Variants in RFX6 observed in about 807,000 individuals in gnomAD.
RFX6 encodes regulatory factor X6, also known as DNA-binding protein RFX6.
Under a neutral mutation model 110.8 loss-of-function variants are expected in RFX6, and 50 were observed. The ratio of observed to expected loss-of-function variants is 0.45; its 90% confidence interval spans 0.36 to 0.57. RFX6 has a LOEUF of 0.57. Among genes scored for constraint, RFX6 ranks in the 20% least tolerant of loss-of-function variants. The pLI, the probability that RFX6 is intolerant of heterozygous loss-of-function variation, is 0.00. For synonymous variants in RFX6, 383 were observed against 411.2 expected (o/e 0.93, Z 0.83); for missense variants, 990 against 1,127.0 (o/e 0.88, Z 1.74).
At position 116,916,980 on chromosome 6, in the gene RFX6, C is replaced by G. The variant is rs377093487; in HGVS notation, c.972+666C>G. Reference sequence around the variant, plus strand: ...TTGCCTACATTTGCTTTCTAACTTACCATAAGGAAAAACAAAAGCTTTCCT... The same window carrying G: ...TTGCCTACATTTGCTTTCTAACTTAGCATAAGGAAAAACAAAAGCTTTCCT... On this transcript the variant is annotated intron_variant, in intron 9 of 18. Coordinates refer to ENST00000332958, the MANE Select transcript of RFX6 (RefSeq NM_173560.4). 2.0e-4 allele frequency among the ~76,000 whole-genome samples: 31 copies of G among 152,118 alleles called. No homozygotes were observed. The East Asian group carries it at 5.8e-3, about 28-fold the overall frequency.
chr6:116,909,735 CTTTTTTTTTTTTTTTTTTT>C (rs59264999), intron 6 of RFX6, among the ~76,000 whole-genome samples: 1 of 67,362 alleles, frequency 1.5e-5, no homozygotes, highest in East Asian at 5.1e-4. Flanking sequence ...TCATTTAAAT[CTTTTTTTTTTTTTTTTTTT>C]TTTTTTTTTT....
chr6:116,904,678 C>T (rs1487532581), intron 6 of RFX6, among the ~76,000 whole-genome samples: 1 of 152,144 alleles, frequency 6.6e-6, no homozygotes, highest in Non-Finnish European at 1.5e-5. Flanking sequence ...CCCATCTTCC[C>T]TCTACCATGT....
chr6:116,918,987 T>C, intron 10 of RFX6, 150 bp from the exon 11 acceptor site: 1 of 680,810 alleles, frequency 1.5e-6, no homozygotes, highest in Non-Finnish European at 2.5e-6. Flanking sequence ...AAATATAGCA[T>C]AAGAAAAGAT....
At chr6:116,880,928 G>A (rs577319254) in intron 3 of RFX6, among the ~76,000 whole-genome samples, 182 of 152,130 alleles carry the variant, frequency 1.2e-3, no homozygotes, top group Non-Finnish European at 2.2e-3. Context: ...TTCAAAGAGG[G>A]ATGCATTAAA....
intron 6 of RFX6, among the ~76,000 whole-genome samples, 196 bp from the exon 7 acceptor site, chr6:116,910,739 G>A (rs984582206): frequency 4.6e-5 from 7 of 152,096 alleles, no homozygotes; most frequent in African/African-American, 1.7e-4. Context: ...AACTATTGAA[G>A]GTTTGAAAAC....
At chr6:116,905,792 C>G (rs113801010) in intron 6 of RFX6, among the ~76,000 whole-genome samples, 4,034 of 152,148 alleles carry the variant, frequency 0.027, 156 homozygotes, top group African/African-American at 0.092. Context: ...CCTCATGATC[C>G]ACCCACCTCA....
chr6:116,895,309 T>A (rs1582516905), intron 6 of RFX6, 102 bp downstream of exon 6: 2 of 693,046 alleles, frequency 2.9e-6, no homozygotes, highest in East Asian at 2.6e-5. Context: ...GAAATAAATG[T>A]TATTTATTAG....
chr6:116,924,823 T>C, intron 15 of RFX6, 32 bp downstream of exon 15: 3 of 1,466,054 alleles, frequency 2.0e-6, no homozygotes, highest in Non-Finnish European at 2.9e-6. Flanking sequence ...GTTTTGCATA[T>C]TTCTTTGTTT....
intron 15 of RFX6, 144 bp downstream of exon 15, chr6:116,924,935 T>G (rs1425360738): frequency 1.5e-6 from 1 of 674,004 alleles, no homozygotes; most frequent in African/African-American, 1.8e-5. Context: ...CACCATACAG[T>G]CACACTATTG....
rs114482844 is a variant in RFX6 at position 116,920,609 on chromosome 6, C to T, written c.1327+155C>T. Among the ~76,000 whole-genome samples, 639 of 151,974 alleles carry T rather than the reference C, an allele frequency of 4.2e-3. 4 individuals carry two copies. Among genetic ancestry groups the T allele is most frequent in the African/African-American group, 0.015 (608 of 41,408 alleles). On this transcript the variant is annotated intron_variant, in intron 12 of 18. Transcript: ENST00000332958. ...CCCATTAGATGACAGTAGCAGCCTC[C>T]CCCAAGCTGAGACAACCAAAAATGT... is the stretch of plus-strand genomic sequence containing the variant.
intron 2 of RFX6, among the ~76,000 whole-genome samples, chr6:116,878,228 C>A (rs11754683): frequency 6.6e-6 from 1 of 151,910 alleles, no homozygotes; most frequent in Non-Finnish European, 1.5e-5. Context: ...CATTAATGAA[C>A]GTTTTTATGA....
At chr6:116,926,872 G>A (rs1775749787) in intron 16 of RFX6, among the ~76,000 whole-genome samples, 155 bp from the exon 17 acceptor site, 1 of 152,138 alleles carries the variant, frequency 6.6e-6, no homozygotes, top group African/African-American at 2.4e-5. Context: ...TTAAATTCTG[G>A]ATTTTTGGTG....
intron 7 of RFX6, among the ~76,000 whole-genome samples, chr6:116,911,741 A>T (rs1296608575): frequency 6.6e-6 from 1 of 152,190 alleles, no homozygotes; most frequent in African/African-American, 2.4e-5. Flanking sequence ...GTTTCAACCA[A>T]AGTACATGTT....
rs1266250786 is a variant in RFX6, at chr6:116,925,502, C to G, written c.1728C>G (p.Ala576=). The G allele has an allele frequency of 6.2e-7, 1 of 1,614,100 alleles. No homozygotes were observed. The highest frequency in any genetic ancestry group is 2.2e-5 in the East Asian group (1 of 44,884). Residue 576 remains alanine (A), a synonymous_variant, in exon 16 of 19, where the codon GCC becomes GCG. Transcript: ENST00000332958. ...CTTCTCCGAGTTCATGCTTTCTGGC[C>G]AACCGTAATAAAGGGAGCATGGTTT... ...FTASPSSCFL[A]NRNKGSMVSS...
At chr6:116,902,620 G>A (rs1274145104) in intron 6 of RFX6, among the ~76,000 whole-genome samples, 1 of 151,890 alleles carries the variant, frequency 6.6e-6, no homozygotes, top group Non-Finnish European at 1.5e-5. Flanking sequence ...TCTAATGTGG[G>A]CCAAATTTTT....
chr6:116,877,999 A>G lies in RFX6; in HGVS notation c.380+47A>G, dbSNP rs764552182. 1.9e-6 allele frequency: 3 copies of G among 1,568,466 alleles called. No individual in the cohort carries two copies. In the South Asian group the frequency reaches 3.3e-5, roughly 17 times the overall value. ...CACTGAAGCACCTGTTGACGTTTTAACAGCCAGCGTCTTCAGGATCTTTGA... is the reference window on the plus strand; with the variant it reads ...CACTGAAGCACCTGTTGACGTTTTAGCAGCCAGCGTCTTCAGGATCTTTGA... On this transcript the variant is annotated intron_variant, in intron 2 of 18. Coordinates refer to ENST00000332958, the MANE Select transcript of RFX6 (RefSeq NM_173560.4).
At position 116,916,333 on chromosome 6, in the gene RFX6, C is replaced by T; in HGVS notation, c.972+19C>T. On this transcript the variant is annotated intron_variant, in intron 9 of 18. Coordinates refer to ENST00000332958, the MANE Select transcript of RFX6 (RefSeq NM_173560.4). ...TTATAAGGTAAGCACTTTGGGATGT[C>T]TTAAACATGAGCCATTTATTTCTTT... 1 of 1,385,702 alleles carries T rather than the reference C, an allele frequency of 7.2e-7. No individual in the cohort carries two copies. 85.8% of individuals were successfully genotyped at this position (1,385,702 alleles called of 1,614,324 possible). A position where few individuals can be genotyped will look rare whatever the true frequency, so the allele number is the denominator to read the frequency against.
At chr6:116,886,946 C>G (rs1278500527) in intron 4 of RFX6, among the ~76,000 whole-genome samples, 1 of 151,778 alleles carries the variant, frequency 6.6e-6, no homozygotes, top group Non-Finnish European at 1.5e-5. Context: ...ACCTGTAGTC[C>G]CAGCTACTCA....
Position 116,908,793 on chromosome 6 carries a change from T to C in RFX6, c.673-2142T>C, listed in dbSNP as rs138035897. ...CTTTTTCCTGCATCAGTTGAGATGA[T>C]TATATAATATACAGCATTCTCCTCT... is the stretch of plus-strand genomic sequence containing the variant. On this transcript the variant is annotated intron_variant, in intron 6 of 18. Transcript: ENST00000332958. 5.7e-3 allele frequency among the ~76,000 whole-genome samples: 860 copies of C among 152,132 alleles called. 11 individuals carry two copies. The highest frequency in any genetic ancestry group is 0.019 in the African/African-American group (808 of 41,522).
Sources: gnomAD v4.1 joint callset for allele counts (sites outside exome capture counted in the v4.1 genomes callset) on GRCh38, gnomAD v4.1.1 for gene constraint, MANE v1.5 for transcripts, NCBI Gene and HGNC (gene_info 2026-07-23, HGNC 2026-07-21) for gene names.